EYS: variants seen among roughly 807,000 people sequenced by gnomAD.
The protein encoded by EYS is EGF-like photoreceptor maintenance factor.
In EYS, 250 loss-of-function variants were observed where a neutral mutation model predicts 282.1. That is an observed-to-expected ratio of 0.89 (90% CI 0.80 to 0.98). EYS has a LOEUF of 0.98. Among genes scored for constraint, EYS ranks in the 50% least tolerant of loss-of-function variants. The pLI, the probability that EYS is intolerant of heterozygous loss-of-function variation, is 0.00. For synonymous variants in EYS, 1,355 were observed against 1,282.9 expected (o/e 1.06, Z -1.20); for missense variants, 4,016 against 3,709.0 (o/e 1.08, Z -2.15).
chr6:65,420,581 T>C (rs1007196866), intron 5 of EYS, among the ~76,000 whole-genome samples: 1 of 151,926 alleles, frequency 6.6e-6, no homozygotes, highest in Non-Finnish European at 1.5e-5. Flanking sequence ...TCTCCTCTAA[T>C]GAATCACAAA....
chr6:63,891,911 A>G (rs1216059083), intron 35 of EYS, among the ~76,000 whole-genome samples: 1 of 152,200 alleles, frequency 6.6e-6, no homozygotes, highest in Non-Finnish European at 1.5e-5. Context: ...ATGTGTAAAA[A>G]TCACAAGCAT....
chr6:65,237,433 C>T (rs1309605008), intron 12 of EYS, among the ~76,000 whole-genome samples: 2 of 152,252 alleles, frequency 1.3e-5, no homozygotes, highest in Admixed American at 6.5e-5. Flanking sequence ...TTCCAGTAGA[C>T]CTTCCACACT....
intron 26 of EYS, among the ~76,000 whole-genome samples, chr6:64,556,141 C>T (rs942380329): frequency 2.0e-5 from 3 of 151,838 alleles, no homozygotes; most frequent in Non-Finnish European, 4.4e-5. Context: ...TGTATTTACT[C>T]ATGATAAATA....
chr6:63,774,473 CTG>C (rs1331228384), intron 40 of EYS, among the ~76,000 whole-genome samples: 2 of 152,130 alleles, frequency 1.3e-5, no homozygotes, highest in African/African-American at 2.4e-5. Flanking sequence ...CAGGGCTACA[CTG>C]TGTTTTTCTT....
At chr6:63,750,016 C>T (rs952051811) in intron 41 of EYS, among the ~76,000 whole-genome samples, 2 of 152,194 alleles carry the variant, frequency 1.3e-5, no homozygotes, top group African/African-American at 4.8e-5. Context: ...AATTCCTTCT[C>T]CTGTCAGATC....
At chr6:65,064,457 G>GATATGATATATAGT (rs1293554410) in intron 12 of EYS, among the ~76,000 whole-genome samples, 1 of 143,200 alleles carries the variant, frequency 7.0e-6, no homozygotes, top group Non-Finnish European at 1.5e-5. Context: ...TACTGTATAT[G>GATATGATATATAGT]ATATGATATA....
chr6:64,841,972 T>C (rs1426384670), intron 19 of EYS, among the ~76,000 whole-genome samples: 4 of 152,068 alleles, frequency 2.6e-5, no homozygotes, highest in Non-Finnish European at 5.9e-5. Flanking sequence ...ATAAGCCCAA[T>C]TTCTTCATAA....
chr6:64,579,028 T>C (rs567365299), intron 26 of EYS, among the ~76,000 whole-genome samples: 1 of 152,222 alleles, frequency 6.6e-6, no homozygotes, highest in South Asian at 2.1e-4. Flanking sequence ...GTGACTTACA[T>C]TAGTAAACAG....
intron 18 of EYS, among the ~76,000 whole-genome samples, chr6:64,894,517 C>T (rs557776780): frequency 6.6e-6 from 1 of 152,222 alleles, no homozygotes; most frequent in Non-Finnish European, 1.5e-5. Context: ...TTCTGGAGGA[C>T]AGAGACATAA....
At chr6:65,503,236 T>A (rs1766521613) in intron 2 of EYS, among the ~76,000 whole-genome samples, 1 of 151,666 alleles carries the variant, frequency 6.6e-6, no homozygotes, top group African/African-American at 2.4e-5. Flanking sequence ...TGAACACCTT[T>A]TTATATGTTT....
chr6:63,787,729 G>T (rs1264667279), intron 39 of EYS, among the ~76,000 whole-genome samples: 2 of 152,098 alleles, frequency 1.3e-5, no homozygotes, highest in Non-Finnish European at 2.9e-5. Flanking sequence ...ATCACCTGAG[G>T]TCGGGAGTTC....
At chr6:65,665,965 T>C (rs1768184006) in intron 1 of EYS, among the ~76,000 whole-genome samples, 1 of 151,918 alleles carries the variant, frequency 6.6e-6, no homozygotes, top group Non-Finnish European at 1.5e-5. Flanking sequence ...ATTCAAAACA[T>C]GGTAATATTT....
At chr6:64,270,389 A>G (rs1215223073) in intron 30 of EYS, among the ~76,000 whole-genome samples, 1 of 151,774 alleles carries the variant, frequency 6.6e-6, no homozygotes, top group Non-Finnish European at 1.5e-5. Context: ...GGGTGGGGGG[A>G]ATGGGCAATT....
intron 23 of EYS, among the ~76,000 whole-genome samples, chr6:64,618,604 C>T (rs149608239): frequency 4.3e-4 from 65 of 152,188 alleles, no homozygotes; most frequent in African/African-American, 1.4e-3. Context: ...CAATTAAATA[C>T]ATATTTTGAG....
intron 26 of EYS, among the ~76,000 whole-genome samples, chr6:64,459,246 TATC>T (rs1775664313): frequency 6.6e-6 from 1 of 152,206 alleles, no homozygotes; most frequent in Non-Finnish European, 1.5e-5. Context: ...ACGTAAAGAA[TATC>T]ATAGGCTATA....
At chr6:64,445,074 A>AGAAAT (rs1429544354) in intron 26 of EYS, among the ~76,000 whole-genome samples, 1 of 152,242 alleles carries the variant, frequency 6.6e-6, no homozygotes, top group African/African-American at 2.4e-5. Flanking sequence ...CACACTATCT[A>AGAAAT]ATAGAAAATA....
At chr6:64,877,403 T>C (rs2150057694) in intron 19 of EYS, among the ~76,000 whole-genome samples, 1 of 152,306 alleles carries the variant, frequency 6.6e-6, no homozygotes, top group African/African-American at 2.4e-5. Context: ...TGGGAATTAT[T>C]AGTATATTTA....
chr6:64,236,304 T>G (rs1766604608), intron 30 of EYS, among the ~76,000 whole-genome samples: 2 of 152,200 alleles, frequency 1.3e-5, no homozygotes, highest in African/African-American at 4.8e-5. Flanking sequence ...GATATGGATC[T>G]ATCATATTTT....
intron 11 of EYS, among the ~76,000 whole-genome samples, chr6:65,306,831 TCAAAAAAAAAA>T: frequency 1.1e-4 from 1 of 9,354 alleles, no homozygotes; most frequent in African/African-American, 4.7e-4. Context: ...AGAGTCCGTC[TCAAAAAAAAAA>T]AAAAAAAAAA....
Sources: allele counts gnomAD v4.1 joint callset (sites outside exome capture counted in the v4.1 genomes callset), GRCh38; gene constraint gnomAD v4.1.1; transcripts MANE v1.5; gene names NCBI Gene and HGNC (gene_info 2026-07-23, HGNC 2026-07-21).